Variants in KIF6 observed in about 807,000 individuals in gnomAD.
KIF6 encodes kinesin-like protein KIF6.
In KIF6, 106 loss-of-function variants were observed where a neutral mutation model predicts 112.7. The ratio of observed to expected loss-of-function variants is 0.94; its 90% CI spans 0.80 to 1.11. The LOEUF (loss-of-function observed/expected upper bound fraction) is 1.11. Among genes scored for constraint, KIF6 ranks in the 50% least tolerant of loss-of-function variants. KIF6 has a pLI of 0.00. For missense variants in KIF6, 929 were observed against 964.0 expected, an observed-to-expected ratio of 0.96 and a Z score of 0.48; for synonymous variants, 339 against 339.9, an observed-to-expected ratio of 1.00 and a Z score of 0.03.
In KIF6 at chr6:39,584,980, GA is replaced by G; in HGVS notation, c.994del (p.Ser332LeufsTer14). 6.3e-7 allele frequency: 1 copy of G among 1,587,074 alleles called. No homozygotes were observed. Among genetic ancestry groups the G allele is most frequent in the Non-Finnish European group, 8.6e-7 (1 of 1,156,472 alleles). On this transcript the variant is annotated frameshift_variant, in exon 9 of 23. Coordinates refer to ENST00000287152, the MANE Select transcript of KIF6 (RefSeq NM_145027.6). LOFTEE classifies it high-confidence loss of function. ...LSLEKRNLDE[S>X]ISTCRFAQRV... ...CTGTGCAAATCTGCAGGTTGATATA[GA>G]CTCCTAAGAAAGCAAAGTAACTTCT...
At chr6:39,566,673 A>C (rs1389964273) in intron 10 of KIF6, among the ~76,000 whole-genome samples, 1 of 152,238 alleles carries the variant, frequency 6.6e-6, no homozygotes, top group African/African-American at 2.4e-5. Flanking sequence ...TAATGATGAA[A>C]ATAATTTGAA....
At chr6:39,555,009 AACCCCTAC>A (rs1779613455) in intron 10 of KIF6, 1 of 155,610 alleles carries the variant, frequency 6.4e-6, no homozygotes, top group African/African-American at 2.4e-5. Context: ...CCTGGGGACC[AACCCCTAC>A]CCCATCACTA....
In KIF6 at chr6:39,639,679, AC is replaced by A. The variant is rs1784807993; in HGVS notation, c.329del (p.Gly110ValfsTer63). 1.9e-6 allele frequency: 3 copies of A among 1,611,936 alleles called. No individual in the cohort carries two copies. The highest frequency in any genetic ancestry group is 1.7e-6 in the Non-Finnish European group (2 of 1,178,920). ...GSGKTFTITG[G>X]AERYSDRGII... ...TGCCTCTGTCACTGTAACGCTCTGC[AC>A]CCCCTGTGATAGTGAATGTCTTCCC... On this transcript the variant is annotated frameshift_variant, in exon 4 of 23. Transcript: ENST00000287152. LOFTEE classifies it high-confidence loss of function.
chr6:39,417,246 G>A (rs1769989087), intron 15 of KIF6, among the ~76,000 whole-genome samples: 1 of 152,156 alleles, frequency 6.6e-6, no homozygotes, highest in Non-Finnish European at 1.5e-5. Flanking sequence ...CACCGTGAGG[G>A]GGTATTCAGT....
At chr6:39,717,289 C>G (rs1355984749) in intron 2 of KIF6, among the ~76,000 whole-genome samples, 7 of 152,120 alleles carry the variant, frequency 4.6e-5, no homozygotes, top group African/African-American at 1.4e-4. Context: ...TTACTCTACT[C>G]ATGCTTACTC....
At chr6:39,337,169 T>TC (rs1763009537) in intron 22 of KIF6, among the ~76,000 whole-genome samples, 3 of 46,346 alleles carry the variant, frequency 6.5e-5, no homozygotes, top group Non-Finnish European at 1.1e-4. Context: ...CTTTCTTTCC[T>TC]TCCTTCTTTC....
At chr6:39,670,399 T>C (rs1045280328) in intron 3 of KIF6, among the ~76,000 whole-genome samples, 1 of 152,186 alleles carries the variant, frequency 6.6e-6, no homozygotes, top group Non-Finnish European at 1.5e-5. Context: ...ATAACATAAA[T>C]GGCCAATTTC....
Position 39,720,793 on chromosome 6 carries a change from C to A in KIF6, c.85G>T (p.Asp29Tyr), listed in dbSNP as rs761928942. The A allele has an allele frequency of 1.9e-6, 3 of 1,575,796 alleles. No homozygotes were observed. In the African/African-American group the frequency reaches 4.0e-5, roughly 21 times the overall value. Residue 29 changes from aspartate to tyrosine, a missense_variant, in exon 2 of 23, where the codon GAT becomes TAT. This residue lies in a region of KIF6 where 688 missense variants were observed against 662.7 expected (regional missense o/e 1.04). Coordinates refer to ENST00000287152, the MANE Select transcript of KIF6 (RefSeq NM_145027.6). ...TCCAAGCTAGGTATTAATTTTTCAT[C>A]TTCATCTATGGAATAAATCTGCAAA... ...HQQGIYSIDEDEKLIPSLEII... is the reference protein window; with the variant it reads ...HQQGIYSIDEYEKLIPSLEII...
At chr6:39,494,376 G>A (rs1014685159) in intron 13 of KIF6, among the ~76,000 whole-genome samples, 3 of 151,972 alleles carry the variant, frequency 2.0e-5, no homozygotes, top group Non-Finnish European at 4.4e-5. Context: ...TAAAATTAAG[G>A]GTTTATTAAA....
rs563856348 is a variant in KIF6 at position 39,681,788 on chromosome 6, T to A, written c.251+32904A>T. Among the ~76,000 whole-genome samples the A allele has an allele frequency of 3.3e-5, 5 of 152,312 alleles. No individual in the cohort carries two copies. In the South Asian group the frequency reaches 1.0e-3, roughly 32 times the overall value. On this transcript the variant is annotated intron_variant, in intron 3 of 22. Coordinates refer to ENST00000287152, the MANE Select transcript of KIF6 (RefSeq NM_145027.6). ...ATGCAATTTCTGGCCCTGTGACAAA[T>A]TCCGCTATAACAAAGCCAATAGCAT...
chr6:39,623,902 C>T (rs1432544390), intron 5 of KIF6, among the ~76,000 whole-genome samples: 1 of 152,180 alleles, frequency 6.6e-6, no homozygotes, highest in Non-Finnish European at 1.5e-5. Context: ...AGGCTCTTCC[C>T]ATGTGTCCCC....
Position 39,540,057 on chromosome 6 carries a change from C to T in KIF6, c.1591G>A (p.Ala531Thr), listed in dbSNP as rs1271355444. ...RMRLSSAPSQ[A>T]QDFSILGKRS... is the part of the protein sequence containing the mutation. Reference sequence around the variant, plus strand: ...TTCCCCAAAATGCTGAAGTCCTGGGCCTGTGAGGGAGCTGAGGATAGTCGC... The same window carrying T: ...TTCCCCAAAATGCTGAAGTCCTGGGTCTGTGAGGGAGCTGAGGATAGTCGC... The change falls in exon 13 of 23, where the codon GCC becomes ACC. Residue 531 changes from alanine (A) to threonine (T), a missense_variant. By Grantham distance (58) the Ala-to-Thr change is moderately conservative (BLOSUM62 0). Coordinates refer to ENST00000287152, the MANE Select transcript of KIF6 (RefSeq NM_145027.6). 5.0e-6 allele frequency: 8 copies of T among 1,613,522 alleles called. No individual in the cohort carries two copies. The African/African-American group carries it at 8.0e-5, about 16-fold the overall frequency.
chr6:39,577,180 G>A (rs187153305), intron 10 of KIF6, among the ~76,000 whole-genome samples: 364 of 152,292 alleles, frequency 2.4e-3, no homozygotes, highest in African/African-American at 8.1e-3. Context: ...ACACTACCCC[G>A]TAGGAGTGAA....
At chr6:39,712,374 T>C (rs909236188) in intron 3 of KIF6, among the ~76,000 whole-genome samples, 4 of 151,796 alleles carry the variant, frequency 2.6e-5, no homozygotes, top group African/African-American at 9.7e-5. Flanking sequence ...TAAAGAGGAA[T>C]ATTTCTTATT....
At chr6:39,526,950 C>A (rs1258621566) in intron 13 of KIF6, among the ~76,000 whole-genome samples, 3 of 152,160 alleles carry the variant, frequency 2.0e-5, no homozygotes, top group African/African-American at 7.2e-5. Context: ...CTGGAAAGAA[C>A]CTTAGAAACA....
Position 39,586,377 on chromosome 6 carries a change from G to A in KIF6, c.874C>T (p.Arg292Cys), listed in dbSNP as rs777368675. 3.4e-5 allele frequency: 55 copies of A among 1,613,902 alleles called. No homozygotes were observed. The highest frequency in any genetic ancestry group is 4.2e-5 in the Non-Finnish European group (49 of 1,179,946). ...QVIIALSEKH[R>C]SHIPYRNSMM... is the part of the protein sequence containing the mutation. ...GAGTTTCTATAAGGAATGTGCGAAC[G>A]GTGCTTTTCTGAAAGGGCAATGATA... The change falls in exon 8 of 23, where the codon CGT becomes TGT. Residue 292 changes from arginine (R) to cysteine (C), a missense_variant. By Grantham distance (180) the Arg-to-Cys change is radical (BLOSUM62 -3). This residue lies in a region of KIF6 where 688 missense variants were observed against 662.7 expected (regional missense o/e 1.04). Coordinates refer to ENST00000287152, the MANE Select transcript of KIF6 (RefSeq NM_145027.6).
In KIF6 at chr6:39,590,103, AG is replaced by A. The variant is rs77762431; in HGVS notation, c.847-3700del. On this transcript the variant is annotated intron_variant, in intron 7 of 22. Coordinates refer to ENST00000287152, the MANE Select transcript of KIF6 (RefSeq NM_145027.6). ...GTGGGGAATATGGCAGACCCAAGTC[AG>A]AGTGGCAAGAGATGCCAAGCAGAAC... is the stretch of plus-strand genomic sequence containing the variant. Among the ~76,000 whole-genome samples, 2,068 of 152,236 alleles carry A rather than the reference AG, an allele frequency of 0.014. 246 individuals are homozygous for A. In the East Asian group the frequency reaches 0.29, roughly 21 times the overall value.
At chr6:39,526,317 C>T (rs750090294) in intron 13 of KIF6, among the ~76,000 whole-genome samples, 2 of 152,154 alleles carry the variant, frequency 1.3e-5, no homozygotes, top group South Asian at 4.1e-4. Context: ...CTGATCATAC[C>T]CTTTTCTCCA....
At chr6:39,588,126 G>A (rs754329152) in intron 7 of KIF6, among the ~76,000 whole-genome samples, 3 of 152,062 alleles carry the variant, frequency 2.0e-5, no homozygotes, top group Admixed American at 1.3e-4. Flanking sequence ...GTAGTGCCCC[G>A]GGGCTCAGTT....
Sources: gnomAD v4.1 joint callset for allele counts (sites outside exome capture counted in the v4.1 genomes callset) on GRCh38, gnomAD v4.1.1 for gene constraint, gnomAD v4.1.1 regional missense constraint, MANE v1.5 for transcripts, NCBI Gene and HGNC (gene_info 2026-07-23, HGNC 2026-07-21) for gene names.